Variants in DGKD observed in about 807,000 individuals in gnomAD.
The protein encoded by DGKD is diacylglycerol kinase delta.
In DGKD, 68 loss-of-function variants were observed where a neutral mutation model predicts 154.4. The observed-to-expected ratio is 0.44, with a 90% confidence interval of 0.36 to 0.54. DGKD has a LOEUF of 0.54. Among genes scored for constraint, DGKD ranks in the 20% least tolerant of loss-of-function variants. The probability of loss-of-function intolerance (pLI) is 0.00; values close to 1 mark genes in which losing one functional copy is unlikely to be tolerated. For synonymous variants in DGKD, 693 were observed against 638.0 expected, an observed-to-expected ratio of 1.09 and a Z score of -1.30; for missense variants, 1,343 against 1,593.6, an observed-to-expected ratio of 0.84 and a Z score of 2.68.
At chr2:233,379,355 G>A (rs946680362) in intron 1 of DGKD, among the ~76,000 whole-genome samples, 28 of 152,206 alleles carry the variant, frequency 1.8e-4, no homozygotes, top group African/African-American at 6.5e-4. Flanking sequence ...AGTTGGTTGT[G>A]TTTGGGTCAG....
At chr2:233,418,730 C>T (rs936776113) in intron 3 of DGKD, among the ~76,000 whole-genome samples, 2 of 152,174 alleles carry the variant, frequency 1.3e-5, no homozygotes, top group African/African-American at 2.4e-5. Flanking sequence ...CCTCCTTCCC[C>T]CCAAAGCTGC....
chr2:233,422,066 G>A (rs1254213958), intron 3 of DGKD, among the ~76,000 whole-genome samples: 5 of 152,340 alleles, frequency 3.3e-5, no homozygotes, highest in Non-Finnish European at 5.9e-5. Context: ...TAGGACCCCC[G>A]AGGGGCATGG....
intron 3 of DGKD, among the ~76,000 whole-genome samples, chr2:233,420,532 T>G (rs1316455799): frequency 1.3e-5 from 2 of 152,242 alleles, no homozygotes; most frequent in Non-Finnish European, 2.9e-5. Context: ...GTTTATATAC[T>G]TTTTTGATAA....
chr2:233,356,086 T>G (rs1185876687), intron 1 of DGKD, among the ~76,000 whole-genome samples: 2 of 152,170 alleles, frequency 1.3e-5, no homozygotes, highest in Non-Finnish European at 2.9e-5. Flanking sequence ...CCGCGGAAAC[T>G]CGGGGCAGAG....
chr2:233,391,283 A>T (rs1703592931), intron 3 of DGKD, among the ~76,000 whole-genome samples: 1 of 152,026 alleles, frequency 6.6e-6, no homozygotes, highest in South Asian at 2.1e-4. Context: ...GAATCATGTG[A>T]TCTCACCACT....
At chr2:233,357,262 C>T (rs928388847) in intron 1 of DGKD, among the ~76,000 whole-genome samples, 10 of 152,218 alleles carry the variant, frequency 6.6e-5, no homozygotes, top group African/African-American at 2.4e-4. Context: ...TCCTCCACAA[C>T]TTGGACTGGA....
chr2:233,463,651 GTCCTCACTGCACGCATC>G (rs1559184145), intron 26 of DGKD, among the ~76,000 whole-genome samples: 5 of 14,988 alleles, frequency 3.3e-4, no homozygotes, highest in Middle Eastern at 0.033. Flanking sequence ...CTCCACGCAT[GTCCTCACTGCACGCATC>G]TCCTCACTCC....
At chr2:233,392,720 A>G (rs1025947371) in intron 3 of DGKD, among the ~76,000 whole-genome samples, 4 of 152,240 alleles carry the variant, frequency 2.6e-5, no homozygotes, top group Admixed American at 6.5e-5. Flanking sequence ...ATAAGGCTGT[A>G]ATAGAAATAA....
chr2:233,375,684 C>G (rs1365096250), intron 1 of DGKD, among the ~76,000 whole-genome samples: 2 of 152,034 alleles, frequency 1.3e-5, no homozygotes, highest in Non-Finnish European at 2.9e-5. Flanking sequence ...TCACTGACTT[C>G]CAAGTTTCCA....
chr2:233,394,690 C>CTTTTTTTTTTTTTTT (rs1703879704), intron 3 of DGKD, among the ~76,000 whole-genome samples: 3 of 83,252 alleles, frequency 3.6e-5, no homozygotes, highest in Non-Finnish European at 4.7e-5. Flanking sequence ...AATTTAATTC[C>CTTTTTTTTTTTTTTT]CTTTTTTTTT....
At chr2:233,468,642 C>G (rs1026779812) in intron 29 of DGKD, 89 bp downstream of exon 29, 5 of 1,565,606 alleles carry the variant, frequency 3.2e-6, no homozygotes, top group Middle Eastern at 3.4e-4. Context: ...CTGGCCATGT[C>G]CCAGCATCAC....
chr2:233,421,650 T>C (rs947485894), intron 3 of DGKD, among the ~76,000 whole-genome samples: 2 of 152,036 alleles, frequency 1.3e-5, no homozygotes, highest in South Asian at 4.1e-4. Flanking sequence ...CCTTGCTTCC[T>C]TCCAGTCTCT....
At chr2:233,425,723 G>A (rs2062274754) in intron 3 of DGKD, among the ~76,000 whole-genome samples, 1 of 152,140 alleles carries the variant, frequency 6.6e-6, no homozygotes, top group African/African-American at 2.4e-5. Context: ...AGCTTCAGGG[G>A]TTTTAGTGGC....
chr2:233,388,180 A>G (rs1575018630), intron 1 of DGKD, 77 bp from the exon 2 acceptor site: 5 of 1,574,824 alleles, frequency 3.2e-6, no homozygotes, highest in East Asian at 2.2e-5. Context: ...TTCAGCCGCA[A>G]CAGGCTGCGT....
At position 233,460,493 on chromosome 2, in the gene DGKD, C is replaced by T. The variant is rs1055690321; in HGVS notation, c.2981+148C>T. ...TGAGGGCCGAGCCTGTTTATGTGCC[C>T]TCAGCTCTGGCTCATTTCCCCAGTG... is the stretch of plus-strand genomic sequence containing the variant. On this transcript the variant is annotated intron_variant, in intron 24 of 29. Coordinates refer to ENST00000264057, the MANE Select transcript of DGKD (RefSeq NM_152879.3). 28 of 1,067,500 alleles carry T rather than the reference C, an allele frequency of 2.6e-5. No individual in the cohort carries two copies. The East Asian group carries it at 7.4e-4, about 28-fold the overall frequency. 66.1% of individuals were successfully genotyped at this position (1,067,500 alleles called of 1,614,324 possible). A position where few individuals can be genotyped will look rare whatever the true frequency, so the allele number is the denominator to read the frequency against.
At chr2:233,454,732 G>A in intron 18 of DGKD, 31 bp from the exon 19 acceptor site, 4 of 1,346,872 alleles carry the variant, frequency 3.0e-6, no homozygotes, top group Non-Finnish European at 3.2e-6. Context: ...CAGCAGGGCT[G>A]TTGTAATTGA....
intron 19 of DGKD, among the ~76,000 whole-genome samples, chr2:233,455,941 C>G (rs1575159090): frequency 6.6e-6 from 1 of 152,212 alleles, no homozygotes; most frequent in East Asian, 1.9e-4. Context: ...ATGGTAACGT[C>G]AGATCATTTA....
chr2:233,394,381 T>A (rs1364465189), intron 3 of DGKD, among the ~76,000 whole-genome samples: 4 of 151,934 alleles, frequency 2.6e-5, no homozygotes, highest in African/African-American at 4.8e-5. Flanking sequence ...TAGCTGGGAC[T>A]ACAGGTGCTT....
In DGKD at chr2:233,440,869, C is replaced by T. The variant is rs972318316; in HGVS notation, c.1086-1018C>T. Among the ~76,000 whole-genome samples, 3 of 152,136 alleles carry T rather than the reference C, an allele frequency of 2.0e-5. No homozygotes were observed. Among genetic ancestry groups the T allele is most frequent in the Non-Finnish European group, 2.9e-5 (2 of 68,016 alleles). On this transcript the variant is annotated intron_variant, in intron 9 of 29. Coordinates refer to ENST00000264057, the MANE Select transcript of DGKD (RefSeq NM_152879.3). This position sits in a 1 kb window ranked among gnomAD's most constrained non-coding sequence, Gnocchi z 4.9. Reference sequence around the variant, plus strand: ...GCTCCTGTGGGACTCTGCGAGAGCACGGTGGTGACCTGAGCGGGTGGCTGG... The same window carrying T: ...GCTCCTGTGGGACTCTGCGAGAGCATGGTGGTGACCTGAGCGGGTGGCTGG...
Sources: allele counts gnomAD v4.1 joint callset (sites outside exome capture counted in the v4.1 genomes callset), GRCh38; gene constraint gnomAD v4.1.1; non-coding constraint Gnocchi (gnomAD v3.1); transcripts MANE v1.5; gene names NCBI Gene and HGNC (gene_info 2026-07-23, HGNC 2026-07-21).